Variants in ARHGAP26 observed in about 807,000 individuals in gnomAD.
ARHGAP26 encodes the protein Rho GTPase activating protein 26, also known as rho GTPase-activating protein 26.
Under a neutral mutation model 104.8 loss-of-function variants are expected in ARHGAP26, and 38 were observed. The ratio of observed to expected loss-of-function variants is 0.36; its 90% CI spans 0.28 to 0.48. The LOEUF (loss-of-function observed/expected upper bound fraction) is 0.48, where lower values mean the gene tolerates loss of function less well. Ranked by LOEUF, ARHGAP26 falls within the 20% of genes least tolerant of loss-of-function variation. The pLI, the probability that ARHGAP26 is intolerant of heterozygous loss-of-function variation, is 0.99. For missense variants in ARHGAP26, 704 were observed against 947.9 expected (o/e 0.74, Z 3.38); for synonymous variants, 341 against 340.0 (o/e 1.00, Z -0.03).
At chr5:142,975,125 AG>A (rs1772874344) in intron 11 of ARHGAP26, among the ~76,000 whole-genome samples, 1 of 151,994 alleles carries the variant, frequency 6.6e-6, no homozygotes, top group Non-Finnish European at 1.5e-5. Flanking sequence ...CGAGGAGGGG[AG>A]GCAGGTTTGT....
intron 11 of ARHGAP26, among the ~76,000 whole-genome samples, chr5:142,984,212 G>T (rs1003574341): frequency 6.6e-6 from 1 of 152,212 alleles, no homozygotes; most frequent in South Asian, 2.1e-4. Context: ...CAAAACAAAG[G>T]TTTGCCAGAA....
chr5:142,804,467 A>C (rs146022507), intron 1 of ARHGAP26, among the ~76,000 whole-genome samples: 201 of 152,282 alleles, frequency 1.3e-3, no homozygotes, highest in African/African-American at 4.5e-3. Context: ...CATATTATTA[A>C]GCATAGGTTT....
At chr5:142,819,393 C>G (rs943807996) in intron 1 of ARHGAP26, among the ~76,000 whole-genome samples, 6 of 152,176 alleles carry the variant, frequency 3.9e-5, no homozygotes, top group African/African-American at 1.4e-4. Context: ...GACACCTGGA[C>G]AAGTCAGTCA....
At chr5:142,930,338 T>A (rs1288899659) in intron 10 of ARHGAP26, among the ~76,000 whole-genome samples, 1 of 152,202 alleles carries the variant, frequency 6.6e-6, no homozygotes, top group African/African-American at 2.4e-5. Context: ...CCACTGAGTC[T>A]GGCACACTGA....
At chr5:142,924,698 A>G (rs1172672858) in intron 10 of ARHGAP26, among the ~76,000 whole-genome samples, 1 of 152,204 alleles carries the variant, frequency 6.6e-6, no homozygotes, top group Admixed American at 6.5e-5. Flanking sequence ...AAGGTCTTGC[A>G]GAAGGACCTC....
intron 10 of ARHGAP26, among the ~76,000 whole-genome samples, chr5:142,927,249 C>T (rs559764259): frequency 9.9e-5 from 15 of 151,888 alleles, no homozygotes; most frequent in Non-Finnish European, 2.9e-5. Context: ...TGTGTAACCA[C>T]CCAGATGAAG....
chr5:142,861,445 A>C (rs1219165553), intron 1 of ARHGAP26, among the ~76,000 whole-genome samples: 2 of 150,444 alleles, frequency 1.3e-5, no homozygotes, highest in Non-Finnish European at 2.9e-5. Context: ...TCTGATGCTT[A>C]GGAGTTGCCA....
chr5:143,029,411 T>G (rs1231056177), intron 12 of ARHGAP26, among the ~76,000 whole-genome samples: 2 of 138,884 alleles, frequency 1.4e-5, no homozygotes, highest in African/African-American at 2.7e-5. Context: ...TTTTTTTTTT[T>G]TTTTTTTTTT....
chr5:142,801,677 A>T (rs1432902885), intron 1 of ARHGAP26, among the ~76,000 whole-genome samples: 1 of 151,970 alleles, frequency 6.6e-6, no homozygotes, highest in Non-Finnish European at 1.5e-5. Flanking sequence ...ATGATGATGA[A>T]GAATTCCCAC....
chr5:142,996,052 G>T (rs1157646978), intron 11 of ARHGAP26, among the ~76,000 whole-genome samples: 1 of 152,158 alleles, frequency 6.6e-6, no homozygotes, highest in Non-Finnish European at 1.5e-5. Context: ...GGGGTGGGGA[G>T]CAAGTGGAGG....
intron 1 of ARHGAP26, among the ~76,000 whole-genome samples, chr5:142,832,946 A>G (rs1768790152): frequency 6.6e-6 from 1 of 152,240 alleles, no homozygotes; most frequent in South Asian, 2.1e-4. Flanking sequence ...TGATTATAAA[A>G]GAAGTGAAAA....
chr5:142,911,571 A>G (rs1466276892), intron 9 of ARHGAP26, among the ~76,000 whole-genome samples: 1 of 152,138 alleles, frequency 6.6e-6, no homozygotes, highest in African/African-American at 2.4e-5. Context: ...CACGTCCCCC[A>G]CTTTTTAAAG....
At chr5:143,177,981 G>A (rs1029551920) in intron 20 of ARHGAP26, among the ~76,000 whole-genome samples, 2 of 145,102 alleles carry the variant, frequency 1.4e-5, no homozygotes, top group Middle Eastern at 3.4e-3. Context: ...AGTCTGTGTG[G>A]CAGTCCTTTT....
At chr5:142,869,746 A>C (rs1364756729) in intron 1 of ARHGAP26, among the ~76,000 whole-genome samples, 2 of 152,212 alleles carry the variant, frequency 1.3e-5, no homozygotes, top group East Asian at 3.9e-4. Context: ...TTTTTAAAAA[A>C]TTATGGTAAA....
At chr5:143,202,127 G>C (rs1417755352) in intron 20 of ARHGAP26, 1 of 152,166 alleles carries the variant, frequency 6.6e-6, no homozygotes, top group East Asian at 1.9e-4. Context: ...ATTTAGGATA[G>C]TTAGCTCTTC....
At chr5:143,207,769 G>T (rs1808805622) in intron 21 of ARHGAP26, among the ~76,000 whole-genome samples, 1 of 152,212 alleles carries the variant, frequency 6.6e-6, no homozygotes, top group Admixed American at 6.5e-5. Context: ...TAACATAAGA[G>T]GAAACAGTGT....
intron 17 of ARHGAP26, among the ~76,000 whole-genome samples, chr5:143,116,433 A>G (rs1018035003): frequency 1.3e-5 from 2 of 152,234 alleles, no homozygotes; most frequent in African/African-American, 4.8e-5. Context: ...CTAGGCCTCA[A>G]GATGAAACTT....
chr5:143,005,500 C>T (rs1777817442), intron 11 of ARHGAP26, among the ~76,000 whole-genome samples: 2 of 152,202 alleles, frequency 1.3e-5, no homozygotes, highest in African/African-American at 4.8e-5. Flanking sequence ...TCAGCCCCAC[C>T]CAAACCATAT....
At chr5:143,162,291 A>T (rs1801344771) in intron 20 of ARHGAP26, among the ~76,000 whole-genome samples, 1 of 93,158 alleles carries the variant, frequency 1.1e-5, no homozygotes, top group Admixed American at 1.1e-4. Context: ...ACATACACAC[A>T]CACACACACA....
Sources: allele counts gnomAD v4.1 joint callset (sites outside exome capture counted in the v4.1 genomes callset), GRCh38; gene constraint gnomAD v4.1.1; transcripts MANE v1.5; gene names NCBI Gene and HGNC (gene_info 2026-07-23, HGNC 2026-07-21).